Variants in HHAT observed in about 807,000 individuals in gnomAD.
HHAT encodes hedgehog acyltransferase.
HHAT carries 47 observed loss-of-function variants against 70.8 expected under a neutral mutation model. The ratio of observed to expected loss-of-function variants is 0.66; its 90% CI spans 0.53 to 0.85. HHAT has a LOEUF of 0.85. Ranked by LOEUF, HHAT falls within the 40% of genes least tolerant of loss-of-function variation. The pLI is 0.00. For synonymous variants in HHAT, 228 were observed against 247.6 expected, an observed-to-expected ratio of 0.92 and a Z score of 0.74; for missense variants, 609 against 604.8, an observed-to-expected ratio of 1.01 and a Z score of -0.07.
At chr1:210,471,001 A>T (rs888753445) in intron 8 of HHAT, among the ~76,000 whole-genome samples, 22 of 152,282 alleles carry the variant, frequency 1.4e-4, no homozygotes, top group African/African-American at 4.8e-4. Flanking sequence ...GGCAGTGATC[A>T]TGTCTTATTC....
chr1:210,540,521 ACGCT>A (rs1300659857), intron 9 of HHAT, among the ~76,000 whole-genome samples: 2 of 137,866 alleles, frequency 1.5e-5, no homozygotes, highest in Non-Finnish European at 3.3e-5. Context: ...ACACAAACAC[ACGCT>A]CTCTCTCTCT....
In HHAT at chr1:210,453,858, A is replaced by G. The variant is rs531859533; in HGVS notation, c.857-10647A>G. The stretch of plus-strand genomic sequence containing the variant: ...TTAGGCAAAGTGAGTGATGGACTGT[A>G]TTAGTTTGTTTTCACACAGCTGATA... On this transcript the variant is annotated intron_variant, in intron 7 of 11. Coordinates refer to ENST00000261458, the MANE Select transcript of HHAT (RefSeq NM_018194.6). Among the ~76,000 whole-genome samples, 12 of 152,300 alleles carry G rather than the reference A, an allele frequency of 7.9e-5. No homozygotes were observed. In the South Asian group the frequency reaches 1.0e-3, roughly 13 times the overall value.
intron 5 of HHAT, among the ~76,000 whole-genome samples, chr1:210,402,236 T>G (rs2092111932): frequency 6.6e-6 from 1 of 152,194 alleles, no homozygotes. Context: ...TGGGGCCAGT[T>G]GACTCTGAGA....
At chr1:210,648,844 C>T (rs1033473963) in intron 11 of HHAT, among the ~76,000 whole-genome samples, 2 of 152,166 alleles carry the variant, frequency 1.3e-5, no homozygotes, top group African/African-American at 4.8e-5. Context: ...ATGCAAAATG[C>T]AAAAGCTGGT....
chr1:210,613,800 T>C (rs143319733), intron 10 of HHAT, among the ~76,000 whole-genome samples: 2 of 152,148 alleles, frequency 1.3e-5, no homozygotes, highest in Non-Finnish European at 2.9e-5. Flanking sequence ...GGAGGATCAC[T>C]TGAGCCCAGG....
At chr1:210,340,247 A>G (rs1274238240) in intron 1 of HHAT, among the ~76,000 whole-genome samples, 8 of 79,630 alleles carry the variant, frequency 1.0e-4, no homozygotes, top group African/African-American at 4.7e-4. Context: ...TCTCAGAAAA[A>G]AAAAAAAAAA....
intron 2 of HHAT, among the ~76,000 whole-genome samples, chr1:210,360,353 C>A (rs1249964983): frequency 6.6e-6 from 1 of 150,660 alleles, no homozygotes; most frequent in East Asian, 1.9e-4. Context: ...TCTTTTTGCC[C>A]AGGCTGGAGT....
intron 9 of HHAT, among the ~76,000 whole-genome samples, chr1:210,556,054 G>T (rs1035508189): frequency 6.6e-5 from 10 of 151,718 alleles, no homozygotes; most frequent in Admixed American, 5.3e-4. Flanking sequence ...AAAGTATTTT[G>T]TGAGGAGCCA....
intron 9 of HHAT, among the ~76,000 whole-genome samples, chr1:210,519,821 C>T (rs528565452): frequency 7.5e-6 from 1 of 133,726 alleles, no homozygotes; most frequent in Non-Finnish European, 1.6e-5. Context: ...AGCCACCACA[C>T]TTGGCTTTTT....
chr1:210,402,064 G>A (rs1484238163), intron 5 of HHAT, among the ~76,000 whole-genome samples: 25 of 152,210 alleles, frequency 1.6e-4, no homozygotes, highest in Non-Finnish European at 1.0e-4. Flanking sequence ...GAGCTGCCAA[G>A]GTCTGTGGCT....
intron 11 of HHAT, 109 bp from the exon 12 acceptor site, chr1:210,674,179 C>A: frequency 1.2e-6 from 1 of 849,308 alleles, no homozygotes; most frequent in Non-Finnish European, 2.0e-6. Context: ...TCCTGGAGGC[C>A]TTTGTTGTTT....
intron 1 of HHAT, among the ~76,000 whole-genome samples, chr1:210,346,010 G>A (rs2086486298): frequency 6.6e-6 from 1 of 151,650 alleles, no homozygotes; most frequent in South Asian, 2.1e-4. Context: ...GCTGCAGCGA[G>A]CTGAGATCAT....
At chr1:210,573,290 C>T (rs1573429990) in intron 9 of HHAT, among the ~76,000 whole-genome samples, 1 of 152,198 alleles carries the variant, frequency 6.6e-6, no homozygotes, top group Non-Finnish European at 1.5e-5. Flanking sequence ...CTCATCCCTA[C>T]ATCTGCTCTG....
At position 210,658,412 on chromosome 1, in the gene HHAT, T is replaced by C. The variant is rs369475308; in HGVS notation, c.1391-15876T>C. Reference sequence around the variant, plus strand: ...GAGTCTTATCATTCCCAGGTAGATATAAGTTCATCCATCAACTGCTACTTC... The same window carrying C: ...GAGTCTTATCATTCCCAGGTAGATACAAGTTCATCCATCAACTGCTACTTC... On this transcript the variant is annotated intron_variant, in intron 11 of 11. Coordinates refer to ENST00000261458, the MANE Select transcript of HHAT (RefSeq NM_018194.6). Among the ~76,000 whole-genome samples, 30 of 152,326 alleles carry C rather than the reference T, an allele frequency of 2.0e-4. No homozygotes were observed. The South Asian group carries it at 6.2e-3, about 32-fold the overall frequency.
intron 7 of HHAT, among the ~76,000 whole-genome samples, chr1:210,451,653 A>ACT (rs1204068948): frequency 6.6e-6 from 1 of 152,096 alleles, no homozygotes; most frequent in Non-Finnish European, 1.5e-5. Context: ...ATCATAGCTA[A>ACT]CTACACCCTT....
intron 11 of HHAT, among the ~76,000 whole-genome samples, chr1:210,637,085 C>A (rs1362937561): frequency 6.6e-6 from 1 of 152,142 alleles, no homozygotes; most frequent in African/African-American, 2.4e-5. Context: ...ATAAATATAA[C>A]CTTACACAGT....
At position 210,620,832 on chromosome 1, in the gene HHAT, G is replaced by GC. The variant is rs535783947; in HGVS notation, c.1246-2687dup. 1.4e-3 allele frequency among the ~76,000 whole-genome samples: 209 copies of GC among 150,194 alleles called. 1 individual carries two copies. The highest frequency in any genetic ancestry group is 0.011 in the Middle Eastern group (3 of 280). On this transcript the variant is annotated intron_variant, in intron 10 of 11. Coordinates refer to ENST00000261458, the MANE Select transcript of HHAT (RefSeq NM_018194.6). ...TAGTCATTCATTTCAGATTTTAGTT[G>GC]CCCCCCCTCTCCTTCCTATCTCTGA...
intron 1 of HHAT, among the ~76,000 whole-genome samples, chr1:210,346,177 C>T (rs2086509253): frequency 6.6e-6 from 1 of 152,082 alleles, no homozygotes; most frequent in Non-Finnish European, 1.5e-5. Flanking sequence ...GATAGAATGT[C>T]CCTGAAAAGC....
chr1:210,538,131 C>A (rs1277315116), intron 9 of HHAT, among the ~76,000 whole-genome samples: 1 of 148,714 alleles, frequency 6.7e-6, no homozygotes, highest in Non-Finnish European at 1.5e-5. Context: ...TTCATTGTAT[C>A]CCGTAATTTG....
Sources: allele counts gnomAD v4.1 joint callset (sites outside exome capture counted in the v4.1 genomes callset), GRCh38; gene constraint gnomAD v4.1.1; transcripts MANE v1.5; gene names NCBI Gene and HGNC (gene_info 2026-07-23, HGNC 2026-07-21).